IGFL2: variants seen among roughly 807,000 people sequenced by gnomAD.
IGFL2 encodes IGF like family member 2.
In IGFL2, 7 loss-of-function variants were observed where a neutral mutation model predicts 13.9. The observed-to-expected ratio is 0.51, with a 90% CI of 0.29 to 0.95. IGFL2 has a LOEUF of 0.95. IGFL2 is among the 40% of genes least tolerant of loss of function. The pLI is 0.08. For missense variants in IGFL2, 138 were observed against 147.8 expected, an observed-to-expected ratio of 0.93 and a Z score of 0.34; for synonymous variants, 55 against 55.8, an observed-to-expected ratio of 0.99 and a Z score of 0.07.
At chr19:46,100,391 G>T in the IGFL2 span, among the ~76,000 whole-genome samples, 1 of 152,128 alleles carries the variant, frequency 6.6e-6, no homozygotes, top group Non-Finnish European at 1.5e-5. Context: ...CTCTGAAGAT[G>T]ATTTTAAGGG....
the IGFL2 span, among the ~76,000 whole-genome samples, chr19:46,178,349 CCTGA>C: frequency 4.1e-5 from 6 of 148,028 alleles, no homozygotes; most frequent in African/African-American, 5.3e-5. Context: ...CAAATTTCAA[CCTGA>C]CTGTCTTATA....
chr19:46,120,626 A>G, the IGFL2 span, among the ~76,000 whole-genome samples: 1 of 151,066 alleles, frequency 6.6e-6, no homozygotes, highest in South Asian at 2.1e-4. Context: ...TTGATCTTAA[A>G]GAAAATGCAA....
At chr19:46,091,258 A>G in the IGFL2 span, among the ~76,000 whole-genome samples, 1 of 152,192 alleles carries the variant, frequency 6.6e-6, no homozygotes, top group Admixed American at 6.5e-5. Flanking sequence ...GTAGATATCT[A>G]GGGAAGGATT....
the IGFL2 span, chr19:46,190,347 T>G: frequency 6.6e-6 from 1 of 152,238 alleles, no homozygotes; most frequent in South Asian, 2.1e-4. Context: ...ATCAGGGCTC[T>G]GTCTCCTCCA....
chr19:46,105,937 A>G, the IGFL2 span, among the ~76,000 whole-genome samples: 1 of 152,068 alleles, frequency 6.6e-6, no homozygotes, highest in African/African-American at 2.4e-5. Context: ...AGCAGCTTTT[A>G]GGGTTGTTTT....
At chr19:46,106,396 G>A in the IGFL2 span, among the ~76,000 whole-genome samples, 1 of 152,206 alleles carries the variant, frequency 6.6e-6, no homozygotes, top group African/African-American at 2.4e-5. Flanking sequence ...CTTGACTGAA[G>A]TAATGGGGGC....
At chr19:46,087,317 C>T in the IGFL2 span, among the ~76,000 whole-genome samples, 2 of 152,140 alleles carry the variant, frequency 1.3e-5, no homozygotes, top group African/African-American at 2.4e-5. Flanking sequence ...CAGGTGGGTG[C>T]TGGCTGTGGT....
chr19:46,174,786 T>C, the IGFL2 span, among the ~76,000 whole-genome samples: 1 of 152,180 alleles, frequency 6.6e-6, no homozygotes, highest in African/African-American at 2.4e-5. Flanking sequence ...CCAGATTAAC[T>C]CTCTAAATTC....
chr19:46,206,331 C>T, the IGFL2 span, among the ~76,000 whole-genome samples: 19 of 152,218 alleles, frequency 1.2e-4, no homozygotes, highest in Non-Finnish European at 1.9e-4. Flanking sequence ...GCCCTGCCCT[C>T]AGGAATGTGC....
the IGFL2 span, chr19:46,113,638 T>C: frequency 3.9e-6 from 1 of 253,418 alleles, no homozygotes; most frequent in East Asian, 1.1e-4. Context: ...TTCTGGGAGC[T>C]GTATGAAAAC....
chr19:46,161,334 T>TG, downstream of IGFL2: 3 of 416,788 alleles, frequency 7.2e-6, no homozygotes, highest in South Asian at 1.2e-4. Flanking sequence ...TTTTTTTTTT[T>TG]TTGGATTGAA....
the IGFL2 span, among the ~76,000 whole-genome samples, chr19:46,192,026 A>G: frequency 6.6e-6 from 1 of 152,212 alleles, no homozygotes; most frequent in Non-Finnish European, 1.5e-5. Flanking sequence ...AGTGAAAACC[A>G]AAGCTCCTTT....
chr19:46,160,277 A>T, intron 1 of IGFL2, 138 bp from the exon 2 acceptor site: 1 of 717,294 alleles, frequency 1.4e-6, no homozygotes, highest in East Asian at 2.7e-5. Context: ...GTTAGATCCT[A>T]TGCAAAGATA....
At chr19:46,173,990 T>C in the IGFL2 span, 1 of 152,228 alleles carries the variant, frequency 6.6e-6, no homozygotes, top group African/African-American at 2.4e-5. Flanking sequence ...GTAAAGTCCT[T>C]TGGACTGGGT....
At chr19:46,085,282 A>G in the IGFL2 span, among the ~76,000 whole-genome samples, 2 of 152,184 alleles carry the variant, frequency 1.3e-5, no homozygotes, top group Non-Finnish European at 2.9e-5. Context: ...AAAAAAACTT[A>G]AAGCTCCAAA....
At chr19:46,160,547 C>A in intron 2 of IGFL2, 67 bp from the exon 3 acceptor site, 1 of 1,612,796 alleles carries the variant, frequency 6.2e-7, no homozygotes, top group Middle Eastern at 1.7e-4. Flanking sequence ...CAGAGGGCTC[C>A]TGATTGGGGG....
the IGFL2 span, among the ~76,000 whole-genome samples, chr19:46,088,324 T>C: frequency 6.6e-6 from 1 of 152,210 alleles, no homozygotes; most frequent in African/African-American, 2.4e-5. Context: ...GATAATTTGA[T>C]CCATTTACAT....
At chr19:46,155,321 G>C (rs1973758635) in intron 1 of IGFL2, among the ~76,000 whole-genome samples, 1 of 152,178 alleles carries the variant, frequency 6.6e-6, no homozygotes, top group Non-Finnish European at 1.5e-5. Flanking sequence ...GCTGGGGAGA[G>C]GTGGAGTCCC....
At chr19:46,121,477 ATCT>A in the IGFL2 span, among the ~76,000 whole-genome samples, 5 of 150,300 alleles carry the variant, frequency 3.3e-5, no homozygotes, top group African/African-American at 1.2e-4. Context: ...TAGCCTGAGC[ATCT>A]TCCCAAGATG....
Sources: allele counts gnomAD v4.1 joint callset (sites outside exome capture counted in the v4.1 genomes callset), GRCh38; gene constraint gnomAD v4.1.1; transcripts MANE v1.5; gene names NCBI Gene and HGNC (gene_info 2026-07-23, HGNC 2026-07-21).